The following VGLL4 variants were observed in gnomAD, a reference collection of about 807,000 sequenced individuals.
The protein encoded by VGLL4 is transcription cofactor vestigial-like protein 4.
VGLL4 carries 7 observed loss-of-function variants against 21.0 expected under a neutral mutation model. That is an observed-to-expected ratio of 0.33 (90% confidence interval 0.19 to 0.63). The LOEUF is 0.63. Among genes scored for constraint, VGLL4 ranks in the 20% least tolerant of loss-of-function variants. The pLI is 0.78. For synonymous variants in VGLL4, 222 were observed against 173.2 expected (o/e 1.28, Z -2.21); for missense variants, 394 against 425.7 (o/e 0.93, Z 0.66).
At chr3:11,699,008 T>C (rs1000876628) in intron 2 of VGLL4, among the ~76,000 whole-genome samples, 1 of 152,212 alleles carries the variant, frequency 6.6e-6, no homozygotes, top group Non-Finnish European at 1.5e-5. Context: ...TAGTAGAACA[T>C]TTTTCTGTTT....
At chr3:11,629,518 A>T (rs1053606697) in intron 1 of VGLL4, among the ~76,000 whole-genome samples, 4 of 152,094 alleles carry the variant, frequency 2.6e-5, no homozygotes, top group Non-Finnish European at 5.9e-5. Flanking sequence ...GCACTTTGGG[A>T]GGCAGAGGCA....
At chr3:11,636,706 C>G (rs2075594749) in intron 1 of VGLL4, among the ~76,000 whole-genome samples, 1 of 152,180 alleles carries the variant, frequency 6.6e-6, no homozygotes, top group Non-Finnish European at 1.5e-5. Flanking sequence ...ATGTTGCATT[C>G]TCCAAAACTG....
In VGLL4 at chr3:11,614,107, C is replaced by G. The variant is rs138157278; in HGVS notation, c.83-12085G>C. 5.1e-3 allele frequency among the ~76,000 whole-genome samples: 774 copies of G among 152,364 alleles called. 3 individuals carry two copies. The highest frequency in any genetic ancestry group is 0.011 in the South Asian group (54 of 4,830). ...ACCCGGCACGGTGCCGCCTCCTCCC[C>G]ACACACACTCTGGACTTACAGGCTT... On this transcript the variant is annotated intron_variant, in intron 1 of 4. Transcript: ENST00000430365.
intron 1 of VGLL4, among the ~76,000 whole-genome samples, chr3:11,617,612 T>G (rs2075186672): frequency 6.6e-6 from 1 of 152,364 alleles, no homozygotes; most frequent in Non-Finnish European, 1.5e-5. Flanking sequence ...AGAGCTGGTA[T>G]TCCAGCTAGT....
intron 4 of VGLL4, 128 bp from the exon 5 acceptor site, chr3:11,558,955 C>T (rs1231355813): frequency 8.0e-6 from 9 of 1,122,242 alleles, no homozygotes; most frequent in East Asian, 2.6e-5. Context: ...GCTCTGCAGA[C>T]AGAACCCACC....
intron 2 of VGLL4, among the ~76,000 whole-genome samples, chr3:11,681,002 A>G (rs1308132671): frequency 6.6e-6 from 1 of 150,748 alleles, no homozygotes; most frequent in Non-Finnish European, 1.5e-5. Flanking sequence ...TTCTCTTTCT[A>G]TGGGTCTCTG....
At chr3:11,631,879 G>A (rs575628935) in intron 1 of VGLL4, among the ~76,000 whole-genome samples, 30 of 152,144 alleles carry the variant, frequency 2.0e-4, no homozygotes, top group Non-Finnish European at 2.9e-5. Context: ...TAGCCCTCAC[G>A]AAGTACTCCA....
intron 2 of VGLL4, among the ~76,000 whole-genome samples, chr3:11,669,526 G>A (rs533464495): frequency 1.6e-4 from 25 of 152,254 alleles, no homozygotes; most frequent in Non-Finnish European, 3.4e-4. Flanking sequence ...ATGAAGATGG[G>A]CAATGCAACT....
chr3:11,689,247 T>G (rs557489220), intron 2 of VGLL4, among the ~76,000 whole-genome samples: 1 of 152,296 alleles, frequency 6.6e-6, no homozygotes, highest in East Asian at 1.9e-4. Flanking sequence ...CAATGTTTCT[T>G]GGCCTCAGCC....
intron 1 of VGLL4, among the ~76,000 whole-genome samples, chr3:11,612,977 A>G (rs946984322): frequency 2.0e-5 from 3 of 152,120 alleles, no homozygotes; most frequent in Non-Finnish European, 2.9e-5. Flanking sequence ...AGCAGATGGT[A>G]TTGGAATCAG....
chr3:11,654,664 T>G (rs145990274), intron 2 of VGLL4, among the ~76,000 whole-genome samples: 1 of 152,306 alleles, frequency 6.6e-6, no homozygotes, highest in East Asian at 1.9e-4. Flanking sequence ...AAATCCACCT[T>G]CCTCATCACA....
At chr3:11,681,975 T>A (rs1189540223) in intron 2 of VGLL4, among the ~76,000 whole-genome samples, 2 of 152,162 alleles carry the variant, frequency 1.3e-5, no homozygotes, top group African/African-American at 4.8e-5. Flanking sequence ...GATACGGGAT[T>A]TAGGCCGGGC....
In VGLL4 at chr3:11,568,471, G is replaced by T; in HGVS notation, c.273-3452C>A. ...GGCAGCAGGGAGAAGGGGACTTCCAGGCCCACTAACTGGAAAGACAGTCCG... is the reference window on the plus strand; with the variant it reads ...GGCAGCAGGGAGAAGGGGACTTCCATGCCCACTAACTGGAAAGACAGTCCG... On this transcript the variant is annotated intron_variant, in intron 2 of 4. Transcript: ENST00000430365. This position sits in a 1 kb window ranked among gnomAD's most constrained non-coding sequence, Gnocchi z 5.9. The T allele has an allele frequency of 7.9e-7, 1 of 1,271,730 alleles. No homozygotes were observed. Among genetic ancestry groups the T allele is most frequent in the Non-Finnish European group, 1.1e-6 (1 of 904,738 alleles). 78.8% of individuals were successfully genotyped at this position (1,271,730 alleles called of 1,614,324 possible).
At chr3:11,578,060 T>A (rs1207845840) in intron 2 of VGLL4, among the ~76,000 whole-genome samples, 1 of 152,180 alleles carries the variant, frequency 6.6e-6, no homozygotes, top group Non-Finnish European at 1.5e-5. Context: ...CTTCCATTTA[T>A]CGTAGCACGT....
In VGLL4 at chr3:11,655,998, G is replaced by A. The variant is rs117232959; in HGVS notation, c.64+46973C>T. Among the ~76,000 whole-genome samples the A allele has an allele frequency of 1.5e-4, 23 of 152,338 alleles. No individual in the cohort carries two copies. The East Asian group carries it at 4.2e-3, about 28-fold the overall frequency. ...CTCCAGAATCTAAGCTGGGAACAGA[G>A]GAAAGCGAGAAGCCTAAAAGAAGGA... On this transcript the variant is annotated intron_variant, in intron 2 of 5. Coordinates refer to the VGLL4 transcript ENST00000273038.
rs542028756 is a variant in VGLL4, at chr3:11,673,633, T to C, written c.64+29338A>G. Among the ~76,000 whole-genome samples the C allele has an allele frequency of 1.7e-3, 262 of 152,228 alleles. 1 individual carries two copies. Among genetic ancestry groups the C allele is most frequent in the African/African-American group, 6.2e-3 (258 of 41,550 alleles). On this transcript the variant is annotated intron_variant, in intron 2 of 5. Coordinates refer to the VGLL4 transcript ENST00000273038. ...CTTTTTCTTCTAAACCCCCAAGTCA[T>C]GGCATTTGAAATTTCAGAACACTAG...
In VGLL4 at chr3:11,568,992, C is replaced by T. The variant is rs761350862; in HGVS notation, c.273-3973G>A. On this transcript the variant is annotated intron_variant, in intron 2 of 4. Coordinates refer to ENST00000430365, the MANE Select transcript of VGLL4 (RefSeq NM_001128219.3). This position sits in a 1 kb window ranked among gnomAD's most constrained non-coding sequence, Gnocchi z 5.9. ...GGAGGGAAAGAGAGGCCTACAACACCATCATCCAGGACAGAGCTTTCTGAG... is the reference window on the plus strand; with the variant it reads ...GGAGGGAAAGAGAGGCCTACAACACTATCATCCAGGACAGAGCTTTCTGAG... The T allele has an allele frequency of 9.0e-7, 1 of 1,105,096 alleles. No individual in the cohort carries two copies. The highest frequency in any genetic ancestry group is 1.1e-6 in the Non-Finnish European group (1 of 891,678). 68.5% of individuals were successfully genotyped at this position (1,105,096 alleles called of 1,614,324 possible).
At chr3:11,620,373 C>A (rs545518152) in intron 1 of VGLL4, among the ~76,000 whole-genome samples, 1 of 152,162 alleles carries the variant, frequency 6.6e-6, no homozygotes, top group Non-Finnish European at 1.5e-5. Context: ...AAGGTCGGCA[C>A]AGCCTGAGGG....
intron 2 of VGLL4, among the ~76,000 whole-genome samples, chr3:11,584,950 G>A (rs550610250): frequency 4.0e-5 from 6 of 150,792 alleles, no homozygotes; most frequent in East Asian, 4.0e-4. Context: ...CACCACCACC[G>A]GCTCCAAGTG....
Sources: gnomAD v4.1 joint callset for allele counts (sites outside exome capture counted in the v4.1 genomes callset) on GRCh38, gnomAD v4.1.1 for gene constraint, Gnocchi (gnomAD v3.1) non-coding constraint, MANE v1.5 for transcripts, NCBI Gene and HGNC (gene_info 2026-07-23, HGNC 2026-07-21) for gene names.